The following EML4 variants were observed in gnomAD, a reference collection of about 807,000 sequenced individuals.
EML4 encodes the protein EMAP like 4.
Under a neutral mutation model 129.0 loss-of-function variants are expected in EML4, and 72 were observed. The observed-to-expected ratio is 0.56, with a 90% CI of 0.46 to 0.68. The LOEUF (loss-of-function observed/expected upper bound fraction) is 0.68. Among genes scored for constraint, EML4 ranks in the 30% least tolerant of loss-of-function variants. EML4 has a pLI of 0.00. For missense variants in EML4, 1,363 were observed against 1,190.6 expected, an observed-to-expected ratio of 1.14 and a Z score of -2.13; for synonymous variants, 532 against 405.0, an observed-to-expected ratio of 1.31 and a Z score of -3.77.
intron 1 of EML4, among the ~76,000 whole-genome samples, chr2:42,205,523 A>C (rs1163558890): frequency 6.9e-6 from 1 of 144,530 alleles, no homozygotes. Flanking sequence ...TACCTAACTC[A>C]CAGTAAGCAC....
chr2:42,205,086 A>G (rs987815373), intron 1 of EML4, among the ~76,000 whole-genome samples: 1 of 152,204 alleles, frequency 6.6e-6, no homozygotes, highest in East Asian at 1.9e-4. Flanking sequence ...TGTTGAGGTA[A>G]TTTGATTCTT....
chr2:42,311,668 A>C (rs768055169), intron 17 of EML4, among the ~76,000 whole-genome samples: 5 of 152,134 alleles, frequency 3.3e-5, no homozygotes, highest in Non-Finnish European at 4.4e-5. Context: ...GTTCAGTCTG[A>C]ATTGGGATAT....
intron 19 of EML4, among the ~76,000 whole-genome samples, chr2:42,321,511 A>G (rs1303707420): frequency 6.6e-6 from 1 of 152,026 alleles, no homozygotes; most frequent in Non-Finnish European, 1.5e-5. Flanking sequence ...TTCCATCCTC[A>G]ACATCATAAC....
chr2:42,325,545 A>G lies in EML4; in HGVS notation c.2233A>G (p.Ile745Val), dbSNP rs1029869849. 11 of 1,395,532 alleles carry G rather than the reference A, an allele frequency of 7.9e-6. No individual in the cohort carries two copies. The highest frequency in any genetic ancestry group is 8.9e-6 in the Non-Finnish European group (9 of 1,005,770). 86.4% of individuals were successfully genotyped at this position (1,395,532 alleles called of 1,614,324 possible). A position where few individuals can be genotyped will look rare whatever the true frequency, so the allele number is the denominator to read the frequency against. ...YIMSNSGDYE[I>V]LYWDIPNGCK... ...AATGTCTAACTCGGGAGACTATGAA[A>G]TATTGTACTGTAAGTATGAATGATT... is the stretch of plus-strand genomic sequence containing the variant. The change falls in exon 20 of 23, where the codon ATA (isoleucine) becomes GTA (valine). Residue 745 changes from isoleucine to valine, a missense_variant. Transcript: ENST00000318522.
chr2:42,296,661 T>C (rs1667974561), intron 13 of EML4, among the ~76,000 whole-genome samples: 1 of 152,204 alleles, frequency 6.6e-6, no homozygotes, highest in Non-Finnish European at 1.5e-5. Flanking sequence ...GTTTGAAAAC[T>C]ATTTGTCAAA....
intron 8 of EML4, 43 bp downstream of exon 8, chr2:42,283,015 C>T (rs770921106): frequency 6.6e-7 from 1 of 1,516,794 alleles, no homozygotes; most frequent in Non-Finnish European, 8.8e-7. Context: ...TCTTTCAGGC[C>T]CTCATTTTGT....
intron 1 of EML4, among the ~76,000 whole-genome samples, chr2:42,184,922 C>T (rs1377815335): frequency 6.6e-6 from 1 of 152,136 alleles, no homozygotes; most frequent in Non-Finnish European, 1.5e-5. Context: ...GGTAACTGCT[C>T]TCATATCCAG....
chr2:42,249,655 C>T (rs1042300154), intron 2 of EML4, among the ~76,000 whole-genome samples: 5 of 152,112 alleles, frequency 3.3e-5, no homozygotes, highest in Non-Finnish European at 7.4e-5. Flanking sequence ...TCAGTAAATA[C>T]CAAAATCAGA....
intron 2 of EML4, among the ~76,000 whole-genome samples, chr2:42,255,789 C>A (rs12622152): frequency 0.12 from 18,929 of 152,230 alleles, 1,181 homozygotes; most frequent in East Asian, 0.17. Context: ...TGACCTCCAA[C>A]ATCTTATTCT....
chr2:42,288,721 T>A, intron 11 of EML4: 25 of 153,336 alleles, frequency 1.6e-4, no homozygotes. Context: ...CTGAAGGGCT[T>A]ATGTTAAGTT....
At position 42,303,247 on chromosome 2, in the gene EML4, A is replaced by C; in HGVS notation, c.1767+18A>C. 2 of 1,614,104 alleles carry C rather than the reference A, an allele frequency of 1.2e-6. No individual in the cohort carries two copies. Among genetic ancestry groups the C allele is most frequent in the Non-Finnish European group, 8.5e-7 (1 of 1,179,988 alleles). On this transcript the variant is annotated intron_variant, in intron 15 of 22. Transcript: ENST00000318522. Reference sequence around the variant, plus strand: ...AAGTACAGGTAAGCTGTGTGATATTAACCGTTAACTGAATATTTTTTATGA... The same window carrying C: ...AAGTACAGGTAAGCTGTGTGATATTCACCGTTAACTGAATATTTTTTATGA...
At chr2:42,250,709 C>T (rs1013178655) in intron 2 of EML4, among the ~76,000 whole-genome samples, 16 of 151,392 alleles carry the variant, frequency 1.1e-4, no homozygotes, top group African/African-American at 3.9e-4. Flanking sequence ...GGACTGGTTT[C>T]ATGGAAGACC....
intron 1 of EML4, among the ~76,000 whole-genome samples, chr2:42,245,095 T>TTTTTC (rs1491515046): frequency 1.1e-4 from 3 of 26,174 alleles, no homozygotes; most frequent in Non-Finnish European, 2.4e-4. Flanking sequence ...ATTTTCTTTC[T>TTTTTC]TTTTTTTTTT....
rs78324792 is a variant in EML4, at chr2:42,244,106, T to G, written c.26-1399T>G. 2.5e-4 allele frequency among the ~76,000 whole-genome samples: 11 copies of G among 44,482 alleles called. 1 individual carries two copies. In the South Asian group the frequency reaches 3.1e-3, roughly 12 times the overall value. 29.2% of individuals were successfully genotyped at this position (44,482 alleles called of 152,430 possible). On this transcript the variant is annotated intron_variant, in intron 1 of 22. Transcript: ENST00000318522. ...GTTTTTTGTTTTTGTTTTTTGTTTT[T>G]TTTTTTTTTTTGAGACGGGGTCTTG...
chr2:42,233,368 C>T (rs1412444130), intron 1 of EML4, among the ~76,000 whole-genome samples: 2 of 150,570 alleles, frequency 1.3e-5, no homozygotes, highest in Admixed American at 1.3e-4. Flanking sequence ...TGCAGTGGCG[C>T]GATCTCAGCT....
chr2:42,187,490 T>G (rs893145625), intron 1 of EML4, among the ~76,000 whole-genome samples: 14 of 152,324 alleles, frequency 9.2e-5, no homozygotes, highest in Middle Eastern at 3.4e-3. Flanking sequence ...CTGAGTAATA[T>G]TTCTTTGTAT....
chr2:42,267,224 A>T (rs1273987001), intron 6 of EML4, among the ~76,000 whole-genome samples: 6 of 152,234 alleles, frequency 3.9e-5, no homozygotes, highest in Non-Finnish European at 2.9e-5. Flanking sequence ...GGTAAGTTTT[A>T]GTTATTAATA....
chr2:42,255,343 C>T (rs1676065402), intron 2 of EML4, among the ~76,000 whole-genome samples: 1 of 152,118 alleles, frequency 6.6e-6, no homozygotes, highest in South Asian at 2.1e-4. Flanking sequence ...CCTCAGCCTC[C>T]CAAAGTGCTG....
chr2:42,262,670 A>G (rs934350903), intron 4 of EML4, among the ~76,000 whole-genome samples: 14 of 152,212 alleles, frequency 9.2e-5, no homozygotes, highest in African/African-American at 3.4e-4. Flanking sequence ...ACATTCTTAT[A>G]TAAAGTCTTG....
Sources: allele counts gnomAD v4.1 joint callset (sites outside exome capture counted in the v4.1 genomes callset), GRCh38; gene constraint gnomAD v4.1.1; transcripts MANE v1.5; gene names NCBI Gene and HGNC (gene_info 2026-07-23, HGNC 2026-07-21).